LACTB2: variants seen among roughly 807,000 people sequenced by gnomAD.
The protein encoded by LACTB2 is endoribonuclease LACTB2.
LACTB2 carries 32 observed loss-of-function variants against 34.8 expected under a neutral mutation model. The observed-to-expected ratio is 0.92, with a 90% CI of 0.69 to 1.24. The LOEUF is 1.24. Ranked by LOEUF, LACTB2 falls within the 50% of genes most tolerant of loss-of-function variation. The probability of loss-of-function intolerance (pLI) is 0.00; values close to 1 mark genes in which losing one functional copy is unlikely to be tolerated. For synonymous variants in LACTB2, 120 were observed against 117.5 expected (o/e 1.02, Z -0.14); for missense variants, 320 against 345.0 (o/e 0.93, Z 0.57).
chr8:70,643,461 G>C (rs1351553278), intron 4 of LACTB2, among the ~76,000 whole-genome samples: 1 of 150,914 alleles, frequency 6.6e-6, no homozygotes, highest in Non-Finnish European at 1.5e-5. Flanking sequence ...GACCTCAGGT[G>C]ATCTGCCCAC....
chr8:70,665,952 A>T (rs1818529299), intron 1 of LACTB2, among the ~76,000 whole-genome samples: 1 of 152,236 alleles, frequency 6.6e-6, no homozygotes, highest in African/African-American at 2.4e-5. Flanking sequence ...TCAAATGCTT[A>T]TTGAGTACCT....
At chr8:70,656,298 T>G (rs940413641) in intron 3 of LACTB2, among the ~76,000 whole-genome samples, 1 of 152,310 alleles carries the variant, frequency 6.6e-6, no homozygotes, top group Non-Finnish European at 1.5e-5. Flanking sequence ...TTATCTTCTG[T>G]AATTTTTATA....
rs1586790198 is a variant in LACTB2 at position 70,661,721 on chromosome 8, G to A, written c.286+13C>T. 1.3e-6 allele frequency: 2 copies of A among 1,599,908 alleles called. No individual in the cohort carries two copies. The highest frequency in any genetic ancestry group is 4.5e-5 in the East Asian group (2 of 44,636). ...GCTTTCCTCAATGAGCTTAATGAATGTTTTCTGTTTACCATTATTGATGCT... is the reference window on the plus strand; with the variant it reads ...GCTTTCCTCAATGAGCTTAATGAATATTTTCTGTTTACCATTATTGATGCT... On this transcript the variant is annotated intron_variant, in intron 2 of 6. Coordinates refer to ENST00000276590, the MANE Select transcript of LACTB2 (RefSeq NM_016027.3).
chr8:70,652,682 C>G (rs772150047), intron 3 of LACTB2: 3 of 152,136 alleles, frequency 2.0e-5, no homozygotes, highest in Non-Finnish European at 4.4e-5. Context: ...GATACTGTTC[C>G]GTTTCTTCAT....
chr8:70,640,167 G>A (rs1464299112), intron 5 of LACTB2, among the ~76,000 whole-genome samples: 1 of 152,024 alleles, frequency 6.6e-6, no homozygotes, highest in East Asian at 1.9e-4. Context: ...TCACTATGTT[G>A]CCCAAGCTTG....
intron 1 of LACTB2, among the ~76,000 whole-genome samples, chr8:70,663,931 G>A (rs1818509842): frequency 6.6e-6 from 1 of 152,040 alleles, no homozygotes; most frequent in East Asian, 1.9e-4. Context: ...AGGAATTTAT[G>A]GATTTATTTC....
Position 70,637,392 on chromosome 8 carries a change from T to C in LACTB2, c.*468A>G, listed in dbSNP as rs895385465. On this transcript the variant is annotated 3_prime_UTR_variant, in exon 7 of 7. Transcript: ENST00000276590. ...ATGGAACCAATAGATAGTCATGATA[T>C]AGTTGATAGAAACATCAAGACAAAG... is the stretch of plus-strand genomic sequence containing the variant. 6.6e-6 allele frequency: 1 copy of C among 152,172 alleles called. No individual in the cohort carries two copies. Among genetic ancestry groups the C allele is most frequent in the Non-Finnish European group, 1.5e-5 (1 of 68,038 alleles). The allele number at this position is 152,172 out of a possible 1,614,324, so 9.4% of individuals were successfully genotyped here.
rs752820566 is a variant in LACTB2 at position 70,640,885 on chromosome 8, A to AGAAAACT, written c.741+10_741+16dup. The AGAAAACT allele has an allele frequency of 2.5e-5, 39 of 1,561,478 alleles. 1 individual carries two copies. In the South Asian group the frequency reaches 4.5e-4, roughly 18 times the overall value. On this transcript the variant is annotated intron_variant, in intron 5 of 6. Transcript: ENST00000276590. ...ATAAATTTGTGGCTACATACAAATA[A>AGAAAACT]GAAAACTGAAAATTACCTTGTAAAT...
chr8:70,666,628 AAG>A (rs1178626076), intron 1 of LACTB2, among the ~76,000 whole-genome samples: 1 of 152,226 alleles, frequency 6.6e-6, no homozygotes, highest in Non-Finnish European at 1.5e-5. Flanking sequence ...GATTGGATTG[AAG>A]AGAGACAGAG....
intron 3 of LACTB2, chr8:70,654,567 A>AT (rs986136326): frequency 2.2e-4 from 33 of 148,130 alleles, no homozygotes; most frequent in African/African-American, 3.7e-4. Flanking sequence ...GTATTTACCT[A>AT]TTTTTTTTTT....
At position 70,638,613 on chromosome 8, in the gene LACTB2, A is replaced by G; in HGVS notation, c.758T>C (p.Leu253Ser). 3.4e-6 allele frequency: 5 copies of G among 1,468,038 alleles called. No homozygotes were observed. Among genetic ancestry groups the G allele is most frequent in the Non-Finnish European group, 4.5e-6 (5 of 1,103,736 alleles). The allele number at this position is 1,468,038 out of a possible 1,614,324, so 90.9% of individuals were successfully genotyped here. A position where few individuals can be genotyped will look rare whatever the true frequency, so the allele number is the denominator to read the frequency against. ...KIIYKNTPENLHEMAKHNLLL... is the reference protein window; with the variant it reads ...KIIYKNTPENSHEMAKHNLLL... ...GAGATTATGTTTAGCCATTTCATGTAAATTCTCAGGAGTATTCTAAAAGAA... is the reference window on the plus strand; with the variant it reads ...GAGATTATGTTTAGCCATTTCATGTGAATTCTCAGGAGTATTCTAAAAGAA... Residue 253 changes from leucine (L) to serine (S), a missense_variant, in exon 6 of 7, where the codon TTA becomes TCA. Transcript: ENST00000276590.
At chr8:70,645,112 T>C (rs1441704277) in intron 3 of LACTB2, among the ~76,000 whole-genome samples, 1 of 152,002 alleles carries the variant, frequency 6.6e-6, no homozygotes, top group Non-Finnish European at 1.5e-5. Context: ...TTATTTATTT[T>C]TGAGATATAT....
At chr8:70,664,791 G>A (rs765828786) in intron 1 of LACTB2, among the ~76,000 whole-genome samples, 3 of 152,080 alleles carry the variant, frequency 2.0e-5, no homozygotes, top group African/African-American at 4.8e-5. Context: ...ATCAACTCTA[G>A]GGAGGTATTA....
chr8:70,661,502 A>G, intron 2 of LACTB2: 1 of 409,174 alleles, frequency 2.4e-6, no homozygotes, highest in Non-Finnish European at 4.4e-6. Flanking sequence ...AAGTCTGAAT[A>G]GTAACTCACA....
intron 4 of LACTB2, among the ~76,000 whole-genome samples, chr8:70,642,297 A>G (rs1586782392): frequency 6.6e-6 from 1 of 152,174 alleles, no homozygotes; most frequent in Non-Finnish European, 1.5e-5. Flanking sequence ...TAATGTCATC[A>G]TATAAATCTA....
rs1312933422 is a variant in LACTB2 at position 70,661,921 on chromosome 8, C to T, written c.123-24G>A. ...TCCTGAAAATTAAATGGAAGATAAT[C>T]ACACAATTGGAACACTGCGTTGACA... On this transcript the variant is annotated intron_variant, in intron 1 of 6. Transcript: ENST00000276590. 3.8e-6 allele frequency: 6 copies of T among 1,583,060 alleles called. No individual in the cohort carries two copies. In the Admixed American group the frequency reaches 9.2e-5, roughly 24 times the overall value.
At chr8:70,660,378 C>A (rs1361231851) in intron 2 of LACTB2, 30 of 352,352 alleles carry the variant, frequency 8.5e-5, no homozygotes, top group Non-Finnish European at 1.4e-4. Flanking sequence ...CTATGGTACA[C>A]AGTCCCCTTA....
At chr8:70,639,716 A>C (rs1033761533) in intron 5 of LACTB2, among the ~76,000 whole-genome samples, 2 of 151,616 alleles carry the variant, frequency 1.3e-5, no homozygotes, top group Non-Finnish European at 2.9e-5. Context: ...TAATCCCAGC[A>C]CTTTGGGAGG....
rs369783369 is a variant in LACTB2 at position 70,639,596 on chromosome 8, T to C, written c.742-967A>G. On this transcript the variant is annotated intron_variant, in intron 5 of 6. Transcript: ENST00000276590. ...AAAGTTTTCATGATGCTACAGACAG[T>C]TGGCCCTGTAATTTATTTATTAGGT... is the stretch of plus-strand genomic sequence containing the variant. Among the ~76,000 whole-genome samples, 14 of 152,354 alleles carry C rather than the reference T, an allele frequency of 9.2e-5. No individual in the cohort carries two copies. The East Asian group carries it at 1.2e-3, about 13-fold the overall frequency.
Sources: gnomAD v4.1 joint callset for allele counts (sites outside exome capture counted in the v4.1 genomes callset) on GRCh38, gnomAD v4.1.1 for gene constraint, MANE v1.5 for transcripts, NCBI Gene and HGNC (gene_info 2026-07-23, HGNC 2026-07-21) for gene names.